Variants in ANKS1B observed in about 807,000 individuals in gnomAD.
ANKS1B encodes the protein ankyrin repeat and sterile alpha motif domain-containing protein 1B.
Under a neutral mutation model 148.3 loss-of-function variants are expected in ANKS1B, and 36 were observed. The observed-to-expected ratio is 0.24, with a 90% CI of 0.19 to 0.32. The LOEUF is 0.32. ANKS1B is among the 10% of genes least tolerant of loss of function. The pLI is 1.00. For missense variants in ANKS1B, 1,157 were observed against 1,542.6 expected (o/e 0.75, Z 4.19); for synonymous variants, 542 against 560.8 (o/e 0.97, Z 0.47).
rs536968807 is a variant in ANKS1B, at chr12:99,589,061, T to C, written c.1272+66006A>G. 2.6e-5 allele frequency among the ~76,000 whole-genome samples: 4 copies of C among 152,318 alleles called. No homozygotes were observed. In the East Asian group the frequency reaches 5.8e-4, roughly 22 times the overall value. Reference sequence around the variant, plus strand: ...AAGTAGTGCTGTGTCTACCACTTTATGGTACTGCCCAGGCAGTGGGATCGA... The same window carrying C: ...AAGTAGTGCTGTGTCTACCACTTTACGGTACTGCCCAGGCAGTGGGATCGA... On this transcript the variant is annotated intron_variant, in intron 9 of 26. Transcript: ENST00000683438.
chr12:99,622,313 T>C (rs2098063399), intron 9 of ANKS1B, among the ~76,000 whole-genome samples: 2 of 151,954 alleles, frequency 1.3e-5, no homozygotes, highest in Admixed American at 1.3e-4. Context: ...ATTAACAATG[T>C]AATATCACAC....
intron 9 of ANKS1B, among the ~76,000 whole-genome samples, chr12:99,622,234 G>A (rs1846708189): frequency 6.6e-6 from 1 of 151,916 alleles, no homozygotes; most frequent in Non-Finnish European, 1.5e-5. Context: ...CTGGGATGCA[G>A]CAAAAGCACT....
chr12:99,643,343 C>T (rs948398165), intron 9 of ANKS1B, among the ~76,000 whole-genome samples: 1 of 152,104 alleles, frequency 6.6e-6, no homozygotes, highest in Admixed American at 6.5e-5. Flanking sequence ...AAAAGTTATT[C>T]GCTCCTAAAA....
chr12:99,308,573 A>C (rs1455516654), intron 12 of ANKS1B, among the ~76,000 whole-genome samples: 2 of 151,966 alleles, frequency 1.3e-5, no homozygotes, highest in Non-Finnish European at 2.9e-5. Flanking sequence ...TGACAAAGCA[A>C]GTTCTCCCAT....
chr12:98,763,420 T>TATC (rs1358766937), intron 25 of ANKS1B, among the ~76,000 whole-genome samples: 2 of 152,250 alleles, frequency 1.3e-5, no homozygotes, highest in Non-Finnish European at 2.9e-5. Flanking sequence ...CTAAGATGTC[T>TATC]ATCTGGGGCA....
At chr12:99,059,804 T>TATATATATATATATGA (rs1166735066) in intron 16 of ANKS1B, among the ~76,000 whole-genome samples, 1 of 146,718 alleles carries the variant, frequency 6.8e-6, no homozygotes, top group African/African-American at 2.6e-5. Flanking sequence ...TATATATATA[T>TATATATATATATATGA]ATGATAGGAC....
chr12:98,766,715 A>G (rs2098485154), intron 25 of ANKS1B, among the ~76,000 whole-genome samples: 2 of 152,372 alleles, frequency 1.3e-5, no homozygotes, highest in Middle Eastern at 3.4e-3. Flanking sequence ...TTTGTGGGAC[A>G]ATCTCTGCAA....
At chr12:99,942,422 A>G (rs2094942452) in intron 1 of ANKS1B, among the ~76,000 whole-genome samples, 1 of 152,154 alleles carries the variant, frequency 6.6e-6, no homozygotes, top group African/African-American at 2.4e-5. Context: ...GTATCAGTGA[A>G]TGGTGAGGCA....
chr12:99,565,455 G>C (rs1293964128), intron 9 of ANKS1B, among the ~76,000 whole-genome samples: 1 of 152,122 alleles, frequency 6.6e-6, no homozygotes, highest in Non-Finnish European at 1.5e-5. Context: ...AGTTCTAATG[G>C]GGGAAAATGA....
intron 1 of ANKS1B, among the ~76,000 whole-genome samples, chr12:99,878,621 A>G (rs964281495): frequency 3.3e-5 from 5 of 152,130 alleles, no homozygotes; most frequent in Admixed American, 6.5e-5. Context: ...CTGATCATCT[A>G]TCTTTTTTCT....
intron 12 of ANKS1B, among the ~76,000 whole-genome samples, chr12:99,318,220 G>T (rs2084531335): frequency 6.6e-6 from 1 of 152,144 alleles, no homozygotes; most frequent in Non-Finnish European, 1.5e-5. Flanking sequence ...CTATTGAATG[G>T]AATAGTTTCA....
At chr12:99,123,481 G>T (rs557524567) in intron 15 of ANKS1B, among the ~76,000 whole-genome samples, 42 of 152,034 alleles carry the variant, frequency 2.8e-4, no homozygotes, top group African/African-American at 1.0e-3. Flanking sequence ...TATATGAAGG[G>T]GAGTTTATTA....
chr12:99,793,092 C>T (rs971401958), intron 4 of ANKS1B, among the ~76,000 whole-genome samples: 1 of 151,828 alleles, frequency 6.6e-6, no homozygotes, highest in African/African-American at 2.4e-5. Context: ...ATCCCATTTA[C>T]AGTAGCCACA....
At chr12:99,059,071 G>T (rs2041436251) in intron 16 of ANKS1B, among the ~76,000 whole-genome samples, 1 of 152,070 alleles carries the variant, frequency 6.6e-6, no homozygotes, top group Non-Finnish European at 1.5e-5. Context: ...CTGTTTAAAC[G>T]TTACCTCCTG....
intron 25 of ANKS1B, among the ~76,000 whole-genome samples, chr12:98,767,942 A>G (rs781023680): frequency 7.2e-5 from 11 of 152,170 alleles, no homozygotes; most frequent in Non-Finnish European, 1.5e-4. Flanking sequence ...TTTGTGTAGA[A>G]TTCTCTCCAC....
chr12:99,132,213 G>C (rs1239255749), intron 15 of ANKS1B, among the ~76,000 whole-genome samples: 1 of 152,234 alleles, frequency 6.6e-6, no homozygotes, highest in Non-Finnish European at 1.5e-5. Flanking sequence ...AAGGTGGGGA[G>C]AAAGAAGCCA....
At chr12:99,648,429 C>T in intron 9 of ANKS1B, 2 of 1,614,180 alleles carry the variant, frequency 1.2e-6, no homozygotes, top group African/African-American at 1.3e-5. Flanking sequence ...TACCTGATGT[C>T]ATGCTGCTGG....
intron 8 of ANKS1B, among the ~76,000 whole-genome samples, chr12:99,765,014 G>A (rs1410910804): frequency 1.3e-5 from 2 of 152,146 alleles, no homozygotes; most frequent in African/African-American, 4.8e-5. Context: ...ACTCAGGTGA[G>A]GGGAAATGAT....
intron 9 of ANKS1B, among the ~76,000 whole-genome samples, chr12:99,641,837 G>A (rs2098310279): frequency 1.3e-5 from 2 of 152,024 alleles, no homozygotes; most frequent in Admixed American, 1.3e-4. Context: ...CCTTATTGTT[G>A]CTAAAAGAAG....
Sources: gnomAD v4.1 joint callset for allele counts (sites outside exome capture counted in the v4.1 genomes callset) on GRCh38, gnomAD v4.1.1 for gene constraint, MANE v1.5 for transcripts, NCBI Gene and HGNC (gene_info 2026-07-23, HGNC 2026-07-21) for gene names.